APBA2: variants seen among roughly 807,000 people sequenced by gnomAD.
APBA2 encodes amyloid-beta A4 precursor protein-binding family A member 2.
In APBA2, 30 loss-of-function variants were observed where a neutral mutation model predicts 75.0. The observed-to-expected ratio is 0.40, with a 90% CI of 0.30 to 0.54. The LOEUF is 0.54. APBA2 is among the 20% of genes least tolerant of loss of function. The pLI is 0.49. For synonymous variants in APBA2, 444 were observed against 409.6 expected (o/e 1.08, Z -1.01); for missense variants, 801 against 1,016.1 (o/e 0.79, Z 2.88).
chr15:29,071,996 C>T (rs1455619999), intron 4 of APBA2, among the ~76,000 whole-genome samples: 4 of 152,062 alleles, frequency 2.6e-5, no homozygotes, highest in African/African-American at 9.7e-5. Flanking sequence ...CTTGAAGTTG[C>T]ATGAAGGTAC....
chr15:29,037,194 T>C (rs2040794984), intron 3 of APBA2, among the ~76,000 whole-genome samples: 3 of 152,194 alleles, frequency 2.0e-5, no homozygotes, highest in Non-Finnish European at 2.9e-5. Context: ...TTGAGTAACC[T>C]GTAATTTATC....
At chr15:28,995,866 G>A (rs1467032756) in intron 3 of APBA2, 60 bp downstream of exon 3, 2 of 152,148 alleles carry the variant, frequency 1.3e-5, no homozygotes, top group African/African-American at 4.8e-5. Flanking sequence ...TGTGGGGAGC[G>A]GACCGTTTCA....
intron 1 of APBA2, among the ~76,000 whole-genome samples, chr15:28,890,107 T>C (rs565516479): frequency 1.2e-4 from 19 of 152,308 alleles, no homozygotes; most frequent in Admixed American, 9.8e-4. Flanking sequence ...TTTTCCCGCG[T>C]CCCAGAGCTG....
rs1281938203 is a variant in APBA2, at chr15:29,063,169, G to A, written c.951+8334G>A. 1.1e-4 allele frequency among the ~76,000 whole-genome samples: 13 copies of A among 113,372 alleles called. No homozygotes were observed. In the South Asian group the frequency reaches 2.1e-3, roughly 18 times the overall value. The allele number at this position is 113,372 out of a possible 152,430, so 74.4% of individuals were successfully genotyped here. The stretch of plus-strand genomic sequence containing the variant: ...TGGTCAGTGTCTGTATGGGTGGTGC[G>A]GGGAGTTGATCTGGTCAGTGTCTGT... On this transcript the variant is annotated intron_variant, in intron 4 of 14. Transcript: ENST00000683413.
chr15:29,014,673 C>G (rs80299532), intron 3 of APBA2, among the ~76,000 whole-genome samples: 1 of 150,402 alleles, frequency 6.6e-6, no homozygotes, highest in Non-Finnish European at 1.5e-5. Context: ...TGAGCTCACC[C>G]GTCTGCAGAT....
intron 3 of APBA2, among the ~76,000 whole-genome samples, chr15:29,019,243 G>T (rs2039830469): frequency 6.6e-6 from 1 of 152,200 alleles, no homozygotes; most frequent in Non-Finnish European, 1.5e-5. Context: ...TGTGGGGCTG[G>T]GCCTCACACG....
chr15:29,092,780 A>G (rs1426928344), intron 6 of APBA2, among the ~76,000 whole-genome samples: 2 of 152,200 alleles, frequency 1.3e-5, no homozygotes, highest in Non-Finnish European at 2.9e-5. Flanking sequence ...CTGGATTTGC[A>G]GCCTGTGATT....
intron 14 of APBA2, 75 bp downstream of exon 14, chr15:29,114,091 C>G (rs568677525): frequency 9.4e-6 from 15 of 1,600,584 alleles, no homozygotes; most frequent in Middle Eastern, 3.3e-4. Context: ...GAGCCTCCCC[C>G]GCTCCAGAGG....
rs2041741133 is a variant in APBA2 at position 29,053,992 on chromosome 15, G to T, written c.108G>T (p.Leu36=). 2 of 1,614,006 alleles carry T rather than the reference G, an allele frequency of 1.2e-6. No individual in the cohort carries two copies. Among genetic ancestry groups the T allele is most frequent in the African/African-American group, 1.3e-5 (1 of 75,036 alleles). ...AGCCCGAGAGCGAGGACATGGAGCT[G>T]CCCTTGGAGGGCTATGTGCCCGAGG... ...SQEPESEDME[L]PLEGYVPEGL... The change falls in exon 4 of 15, where the codon CTG becomes CTT. Residue 36 remains leucine (L), a synonymous_variant. Transcript: ENST00000683413.
chr15:29,065,996 G>A (rs2042364795), intron 4 of APBA2, among the ~76,000 whole-genome samples: 1 of 152,214 alleles, frequency 6.6e-6, no homozygotes, highest in South Asian at 2.1e-4. Context: ...GGTGGAGGCT[G>A]TTGCTGTGTG....
At position 28,994,497 on chromosome 15, in the gene APBA2, T is replaced by C. The variant is rs555417668; in HGVS notation, c.-94-1256T>C. ...ATGGAACAACGGTGCAAACAGCCAG[T>C]TTCCCCTGAGCAGAGGCAAGCAGGT... On this transcript the variant is annotated intron_variant, in intron 2 of 14. Transcript: ENST00000683413. 5.9e-5 allele frequency among the ~76,000 whole-genome samples: 9 copies of C among 152,238 alleles called. No homozygotes were observed. The South Asian group carries it at 1.9e-3, about 32-fold the overall frequency.
chr15:29,116,161 G>A (rs938240951), intron 14 of APBA2, among the ~76,000 whole-genome samples: 2 of 152,184 alleles, frequency 1.3e-5, no homozygotes, highest in Non-Finnish European at 1.5e-5. Flanking sequence ...TCCCTGGGGC[G>A]GTCTGAGGCC....
At position 29,054,526 on chromosome 15, in the gene APBA2, T is replaced by G; in HGVS notation, c.642T>G (p.Arg214=). 1 of 1,613,356 alleles carries G rather than the reference T, an allele frequency of 6.2e-7. No individual in the cohort carries two copies. The highest frequency in any genetic ancestry group is 8.5e-7 in the Non-Finnish European group (1 of 1,179,738). ...NTGASPYRLR[R]GDGDLEDQEE... ...GCGCCTCCCCCTACCGCCTGAGGCG[T>G]GGGGATGGGGACCTGGAGGACCAGG... is the stretch of plus-strand genomic sequence containing the variant. Residue 214 remains arginine, a synonymous_variant, in exon 4 of 15, where the codon CGT becomes CGG. Transcript: ENST00000683413. This position sits in a 1 kb window ranked among gnomAD's most constrained non-coding sequence, Gnocchi z 6.1.
intron 3 of APBA2, among the ~76,000 whole-genome samples, chr15:29,029,483 T>C (rs998496732): frequency 1.4e-4 from 22 of 152,358 alleles, no homozygotes; most frequent in African/African-American, 5.3e-4. Context: ...AGTTATTTAA[T>C]GTTTAAGAAT....
intron 3 of APBA2, among the ~76,000 whole-genome samples, chr15:29,037,203 T>G (rs1225328022): frequency 6.6e-6 from 1 of 152,190 alleles, no homozygotes; most frequent in African/African-American, 2.4e-5. Context: ...CTGTAATTTA[T>G]CCAGTGGAGT....
At chr15:29,108,586 CCAGGG>C in intron 13 of APBA2, 197 bp downstream of exon 13, 2 of 807,654 alleles carry the variant, frequency 2.5e-6, no homozygotes, top group Non-Finnish European at 3.9e-6. Context: ...AAGGGGAGGG[CCAGGG>C]CATGGCCGTG....
chr15:28,953,886 GAGCTCACATTTATCTTTT>G (rs2036024924), intron 2 of APBA2, among the ~76,000 whole-genome samples: 1 of 152,078 alleles, frequency 6.6e-6, no homozygotes, highest in African/African-American at 2.4e-5. Context: ...GTGGCACAAG[GAGCTCACATTTATCTTTT>G]AGCTCTGATT....
At chr15:29,047,048 G>A (rs906498339) in intron 3 of APBA2, among the ~76,000 whole-genome samples, 1 of 152,190 alleles carries the variant, frequency 6.6e-6, no homozygotes, top group Non-Finnish European at 1.5e-5. Flanking sequence ...GGCACATACT[G>A]TCATTTTCAG....
At chr15:29,108,229 T>C (rs1303398777) in intron 12 of APBA2, 41 bp from the exon 13 acceptor site, 3 of 1,612,588 alleles carry the variant, frequency 1.9e-6, no homozygotes, top group Non-Finnish European at 2.5e-6. Flanking sequence ...AGGCTTGATG[T>C]CTAAGGCCCA....
Sources: gnomAD v4.1 joint callset for allele counts (sites outside exome capture counted in the v4.1 genomes callset) on GRCh38, gnomAD v4.1.1 for gene constraint, Gnocchi (gnomAD v3.1) non-coding constraint, MANE v1.5 for transcripts, NCBI Gene and HGNC (gene_info 2026-07-23, HGNC 2026-07-21) for gene names.